The following TTLL5 variants were observed in gnomAD, a reference collection of about 807,000 sequenced individuals.
TTLL5 encodes tubulin tyrosine ligase like 5.
A neutral mutation model predicts 168.4 loss-of-function variants in TTLL5; 132 were observed. That is an observed-to-expected ratio of 0.78 (90% CI 0.68 to 0.91). The LOEUF (loss-of-function observed/expected upper bound fraction) is 0.91, where lower values mean the gene tolerates loss of function less well. TTLL5 is among the 40% of genes least tolerant of loss of function. TTLL5 has a pLI of 0.00. For missense variants in TTLL5, 1,545 were observed against 1,581.5 expected, an observed-to-expected ratio of 0.98 and a Z score of 0.39; for synonymous variants, 546 against 558.6, an observed-to-expected ratio of 0.98 and a Z score of 0.32.
At chr14:75,808,954 A>G (rs1197187875) in intron 27 of TTLL5, among the ~76,000 whole-genome samples, 1 of 151,600 alleles carries the variant, frequency 6.6e-6, no homozygotes, top group Non-Finnish European at 1.5e-5. Flanking sequence ...ATAGCTATAC[A>G]TATCAGGATA....
chr14:75,934,379 A>G (rs575863765), intron 31 of TTLL5, among the ~76,000 whole-genome samples: 1 of 152,320 alleles, frequency 6.6e-6, no homozygotes, highest in African/African-American at 2.4e-5. Flanking sequence ...CTTTTACGTG[A>G]TACTGTAGAT....
At chr14:75,691,798 T>G (rs1420028877) in intron 6 of TTLL5, among the ~76,000 whole-genome samples, 2 of 152,234 alleles carry the variant, frequency 1.3e-5, no homozygotes, top group East Asian at 3.8e-4. Flanking sequence ...GAGAGTTATC[T>G]CTAGACTTCC....
rs532994577 is a variant in TTLL5, at chr14:75,831,338, A to T, written c.3326+11177A>T. On this transcript the variant is annotated intron_variant, in intron 28 of 31. Transcript: ENST00000298832. ...AAGGGGAATATTCTAATGCCTTGGG[A>T]ATCTCACAAGATCAGAGCTTCAGTG... Among the ~76,000 whole-genome samples the T allele has an allele frequency of 7.9e-5, 12 of 152,314 alleles. No individual in the cohort carries two copies. The South Asian group carries it at 2.5e-3, about 32-fold the overall frequency.
chr14:75,800,543 C>T (rs1407777106), intron 27 of TTLL5, among the ~76,000 whole-genome samples: 4 of 152,124 alleles, frequency 2.6e-5, no homozygotes. Flanking sequence ...TGTTAAAGAA[C>T]CTTGCCTTGT....
At chr14:75,813,523 G>A (rs377139947) in intron 27 of TTLL5, among the ~76,000 whole-genome samples, 3 of 151,920 alleles carry the variant, frequency 2.0e-5, no homozygotes, top group Non-Finnish European at 4.4e-5. Context: ...GACTGGTCTC[G>A]AACTCCTGGG....
chr14:75,811,655 C>A (rs551447560), intron 27 of TTLL5, among the ~76,000 whole-genome samples: 2 of 152,180 alleles, frequency 1.3e-5, no homozygotes, highest in African/African-American at 4.8e-5. Flanking sequence ...CAAGGCTTTA[C>A]CTGTGATAGG....
At chr14:75,672,681 C>G (rs1418709635) in intron 3 of TTLL5, among the ~76,000 whole-genome samples, 1 of 152,156 alleles carries the variant, frequency 6.6e-6, no homozygotes, top group Non-Finnish European at 1.5e-5. Context: ...TCAACCTCTG[C>G]TTGCTGTAGG....
chr14:75,914,034 ATAT>A (rs1203065738), intron 31 of TTLL5, among the ~76,000 whole-genome samples: 2 of 76,414 alleles, frequency 2.6e-5, no homozygotes, highest in Non-Finnish European at 4.5e-5. Flanking sequence ...AAAAAAAAAA[ATAT>A]ATATATATAT....
intron 29 of TTLL5, 49 bp downstream of exon 29, chr14:75,863,911 T>TTAAAAAAAAAAAAAAAA (rs779920524): frequency 2.3e-5 from 2 of 86,234 alleles, no homozygotes; most frequent in African/African-American, 1.7e-4. Flanking sequence ...CTGCTGTTGG[T>TTAAAAAAAAAAAAAAAA]AAAAAAAAAA....
rs191756469 is a variant in TTLL5, at chr14:75,918,460, G to A, written c.3823+16236G>A. On this transcript the variant is annotated intron_variant, in intron 31 of 31. Transcript: ENST00000298832. Reference sequence around the variant, plus strand: ...CTTCTTGACTGCTATAAATAGATACGTTGTTCCTTGACCCAAATTTGCCCC... The same window carrying A: ...CTTCTTGACTGCTATAAATAGATACATTGTTCCTTGACCCAAATTTGCCCC... 3.9e-5 allele frequency among the ~76,000 whole-genome samples: 6 copies of A among 152,128 alleles called. No homozygotes were observed. In the East Asian group the frequency reaches 7.7e-4, roughly 20 times the overall value.
rs34160638 is a variant in TTLL5, at chr14:75,773,907, C to CATATATATAT, written c.2137-1565_2137-1556dup. ...ACCGTCTCAAAAAAAAAAAAAAATA[C>CATATATATAT]ATATATATATATATATATATAGAGA... On this transcript the variant is annotated intron_variant, in intron 21 of 31. Coordinates refer to ENST00000298832, the MANE Select transcript of TTLL5 (RefSeq NM_015072.5). Among the ~76,000 whole-genome samples, 275 of 28,656 alleles carry CATATATATAT rather than the reference C, an allele frequency of 9.6e-3. 4 individuals carry two copies. The highest frequency in any genetic ancestry group is 0.015 in the Non-Finnish European group (211 of 13,740). The allele number at this position is 28,656 out of a possible 152,430, so 18.8% of individuals were successfully genotyped here.
intron 24 of TTLL5, among the ~76,000 whole-genome samples, chr14:75,780,318 G>T (rs774554542): frequency 1.1e-4 from 17 of 152,248 alleles, no homozygotes; most frequent in Admixed American, 2.6e-4. Context: ...TTGGTTCCAA[G>T]CCTGACATGC....
At chr14:75,763,479 A>G (rs1244410788) in intron 18 of TTLL5, among the ~76,000 whole-genome samples, 2 of 152,156 alleles carry the variant, frequency 1.3e-5, no homozygotes, top group Non-Finnish European at 2.9e-5. Context: ...TAAATAGACC[A>G]AATGACACAG....
chr14:75,664,876 G>T (rs570401786), intron 2 of TTLL5, among the ~76,000 whole-genome samples: 1 of 152,234 alleles, frequency 6.6e-6, no homozygotes, highest in South Asian at 2.1e-4. Context: ...TTATTAGTGG[G>T]TTTACAGATT....
intron 4 of TTLL5, among the ~76,000 whole-genome samples, chr14:75,683,217 G>A (rs1340634921): frequency 6.6e-6 from 1 of 152,208 alleles, no homozygotes; most frequent in Admixed American, 6.5e-5. Flanking sequence ...GCTACTATAA[G>A]GTTTATCTCT....
At chr14:75,677,009 C>A (rs889976089) in intron 3 of TTLL5, among the ~76,000 whole-genome samples, 23 of 152,092 alleles carry the variant, frequency 1.5e-4, no homozygotes, top group African/African-American at 5.3e-4. Flanking sequence ...TGGCCTCAAG[C>A]AGCCCTCCCA....
At position 75,745,474 on chromosome 14, in the gene TTLL5, C is replaced by T. The variant is rs749897838; in HGVS notation, c.1396-16C>T. The T allele has an allele frequency of 3.1e-6, 5 of 1,613,404 alleles. No individual in the cohort carries two copies. Among genetic ancestry groups the T allele is most frequent in the Middle Eastern group, 3.3e-4 (2 of 6,058 alleles). On this transcript the variant is annotated splice_polypyrimidine_tract_variant and intron_variant, in intron 16 of 31. Coordinates refer to ENST00000298832, the MANE Select transcript of TTLL5 (RefSeq NM_015072.5). ...TTTTCAAAATAGGTACTCATTTTAT[C>T]TTATTTTTCATCTAGATCAAAGTTT...
In TTLL5 at chr14:75,745,185, G is replaced by C. The variant is rs1286182596; in HGVS notation, c.1372G>C (p.Val458Leu). The change falls in exon 16 of 32, where the codon GTG becomes CTG. Residue 458 changes from valine to leucine, a missense_variant. Transcript: ENST00000298832. Reference sequence around the variant, plus strand: ...AGGGCCAGGGAAGTTGGGTGGTTCTGTGCTTGGTCTGTCAATGGAGGAGGT... The same window carrying C: ...AGGGCCAGGGAAGTTGGGTGGTTCTCTGCTTGGTCTGTCAATGGAGGAGGT... The part of the protein sequence containing the change: ...EKGPGKLGGS[V>L]LGLSMEEIKV... The C allele has an allele frequency of 1.2e-6, 2 of 1,614,016 alleles. No individual in the cohort carries two copies. The highest frequency in any genetic ancestry group is 2.7e-5 in the African/African-American group (2 of 75,058).
Position 75,951,548 on chromosome 14 carries a change from C to G in TTLL5, c.3824-2876C>G, listed in dbSNP as rs568368394. 2.0e-5 allele frequency among the ~76,000 whole-genome samples: 3 copies of G among 152,050 alleles called. No homozygotes were observed. The East Asian group carries it at 5.8e-4, about 30-fold the overall frequency. On this transcript the variant is annotated intron_variant, in intron 31 of 31. Coordinates refer to ENST00000298832, the MANE Select transcript of TTLL5 (RefSeq NM_015072.5). ...GCCAGCGTGGGAGGATTTCTTGAGC[C>G]CAGGAGTTCGAGACCAGCCTGGGCA... is the stretch of plus-strand genomic sequence containing the variant.
Sources: allele counts gnomAD v4.1 joint callset (sites outside exome capture counted in the v4.1 genomes callset), GRCh38; gene constraint gnomAD v4.1.1; transcripts MANE v1.5; gene names NCBI Gene and HGNC (gene_info 2026-07-23, HGNC 2026-07-21).